PBX1: variants seen among roughly 807,000 people sequenced by gnomAD.
PBX1 encodes the protein pre-B-cell leukemia transcription factor 1.
A neutral mutation model predicts 53.4 loss-of-function variants in PBX1; 6 were observed. The observed-to-expected ratio is 0.11, with a 90% CI of 0.06 to 0.22. The LOEUF (loss-of-function observed/expected upper bound fraction) is 0.22. PBX1 is among the 10% of genes least tolerant of loss of function. PBX1 has a pLI of 1.00. For synonymous variants in PBX1, 204 were observed against 212.3 expected (o/e 0.96, Z 0.34); for missense variants, 251 against 551.4 (o/e 0.46, Z 5.46).
intron 2 of PBX1, among the ~76,000 whole-genome samples, chr1:164,857,150 C>T (rs2102438117): frequency 6.6e-6 from 1 of 152,308 alleles, no homozygotes; most frequent in Admixed American, 6.5e-5. Flanking sequence ...ACACCAGCAA[C>T]AAGTATTGTG....
rs147833517 is a variant in PBX1 at position 164,681,685 on chromosome 1, C to T, written c.266-110809C>T. 4.7e-4 allele frequency among the ~76,000 whole-genome samples: 71 copies of T among 152,194 alleles called. 2 individuals are homozygous for T. The highest frequency in any genetic ancestry group is 1.5e-3 in the South Asian group (7 of 4,820). ...CACTGGGGCCTACTTTAGAGTGGAG[C>T]GTGGAAGAGGAGTGAGGACTGAAAA... On this transcript the variant is annotated intron_variant, in intron 2 of 8. Coordinates refer to ENST00000420696, the MANE Select transcript of PBX1 (RefSeq NM_002585.4).
chr1:164,616,359 A>C (rs1305261808), intron 2 of PBX1, among the ~76,000 whole-genome samples: 1 of 151,908 alleles, frequency 6.6e-6, no homozygotes, highest in Non-Finnish European at 1.5e-5. Context: ...TCCTGTGACG[A>C]GGGGTGGGAA....
At position 164,592,296 on chromosome 1, in the gene PBX1, G is replaced by A. The variant is rs143777198; in HGVS notation, c.265+28985G>A. ...AGTATATGTCCTAGGAAAGGAAATA[G>A]AAACACTTAGCTTTGACGTGTAAAC... On this transcript the variant is annotated intron_variant, in intron 2 of 8. Coordinates refer to ENST00000420696, the MANE Select transcript of PBX1 (RefSeq NM_002585.4). Among the ~76,000 whole-genome samples, 361 of 152,336 alleles carry A rather than the reference G, an allele frequency of 2.4e-3. 1 individual carries two copies. Among genetic ancestry groups the A allele is most frequent in the African/African-American group, 8.4e-3 (351 of 41,580 alleles).
At chr1:164,714,352 T>C (rs187346456) in intron 2 of PBX1, among the ~76,000 whole-genome samples, 237 of 152,364 alleles carry the variant, frequency 1.6e-3, no homozygotes, top group Middle Eastern at 6.8e-3. Context: ...AGCCCCCGTT[T>C]GTCACATCAC....
chr1:164,583,182 C>G (rs1240139632), intron 2 of PBX1, among the ~76,000 whole-genome samples: 1 of 151,692 alleles, frequency 6.6e-6, no homozygotes, highest in South Asian at 2.1e-4. Context: ...TGTGAACATT[C>G]TTTTGTGAAA....
intron 2 of PBX1, among the ~76,000 whole-genome samples, chr1:164,626,780 C>T (rs1301619532): frequency 6.6e-6 from 1 of 152,112 alleles, no homozygotes; most frequent in Non-Finnish European, 1.5e-5. Flanking sequence ...TTCTCATCAA[C>T]GTTAATGACC....
chr1:164,644,564 G>T (rs12739441), intron 2 of PBX1, among the ~76,000 whole-genome samples: 4,120 of 146,698 alleles, frequency 0.028, 97 homozygotes, highest in Non-Finnish European at 0.038. Flanking sequence ...ATCAGCTTTT[G>T]TTTTTTTTTT....
Position 164,773,236 on chromosome 1 carries a change from A to AACACACAC in PBX1, c.266-19254_266-19253insACACACAC, listed in dbSNP as rs1193168258. 8.4e-3 allele frequency among the ~76,000 whole-genome samples: 402 copies of AACACACAC among 48,046 alleles called. 2 individuals carry two copies. The highest frequency in any genetic ancestry group is 0.035 in the African/African-American group (345 of 9,802). The allele number at this position is 48,046 out of a possible 152,430, so 31.5% of individuals were successfully genotyped here. A position where few individuals can be genotyped will look rare whatever the true frequency, so the allele number is the denominator to read the frequency against. ...TATTTTCCAGCTCTTGCATATAGGT[A>AACACACAC]ACACGCGCACACACACACACACACA... On this transcript the variant is annotated intron_variant, in intron 2 of 8. Transcript: ENST00000420696.
In PBX1 at chr1:164,849,357, C is replaced by T; in HGVS notation, c.*2681C>T. ...ATACCCAGCACCTCCCCCGGCACCC[C>T]CGGCAAGCCCACTATCACTTCCGAC... On this transcript the variant is annotated 3_prime_UTR_variant, in exon 9 of 9. Transcript: ENST00000420696. The T allele has an allele frequency of 6.5e-7, 1 of 1,535,730 alleles. No individual in the cohort carries two copies. Among genetic ancestry groups the T allele is most frequent in the Non-Finnish European group, 8.7e-7 (1 of 1,146,806 alleles).
At chr1:164,711,229 C>T (rs1415873788) in intron 2 of PBX1, among the ~76,000 whole-genome samples, 1 of 152,150 alleles carries the variant, frequency 6.6e-6, no homozygotes, top group Non-Finnish European at 1.5e-5. Context: ...CAGAAGCAGA[C>T]AGGTGACCCT....
intron 8 of PBX1, among the ~76,000 whole-genome samples, chr1:164,846,324 A>G (rs930470157): frequency 6.6e-6 from 1 of 152,190 alleles, no homozygotes; most frequent in African/African-American, 2.4e-5. Context: ...GGACTTAATT[A>G]CAGAGTCTTT....
chr1:164,781,437 A>G (rs1215674703), intron 2 of PBX1, among the ~76,000 whole-genome samples: 1 of 152,152 alleles, frequency 6.6e-6, no homozygotes, highest in African/African-American at 2.4e-5. Context: ...ACTACAAGAT[A>G]TAGATCAATA....
chr1:164,707,418 T>TGTGTGTGTGTGA (rs58617739), intron 2 of PBX1, among the ~76,000 whole-genome samples: 7 of 118,266 alleles, frequency 5.9e-5, no homozygotes, highest in East Asian at 2.2e-4. Flanking sequence ...TGTGTGTGTG[T>TGTGTGTGTGTGA]GAGAGAGAGA....
At chr1:164,818,431 A>G (rs1005517777) in intron 6 of PBX1, 1 of 152,228 alleles carries the variant, frequency 6.6e-6, no homozygotes, top group Non-Finnish European at 1.5e-5. Context: ...CAGATGAGAC[A>G]GGACAAGTCG....
Position 164,792,537 on chromosome 1 carries a change from C to G in PBX1, c.309C>G (p.Pro103=), listed in dbSNP as rs1668566875. 2 of 1,614,008 alleles carry G rather than the reference C, an allele frequency of 1.2e-6. No homozygotes were observed. Among genetic ancestry groups the G allele is most frequent in the African/African-American group, 1.3e-5 (1 of 74,916 alleles). Residue 103 remains proline, a synonymous_variant, in exon 3 of 9, where the codon CCC becomes CCG. Transcript: ENST00000420696. The stretch of plus-strand genomic sequence containing the variant: ...CCCAGGAGGAGGAACCCACAGACCC[C>G]CAGCTGATGCGGCTGGACAACATGC... ...RGAQEEEPTD[P]QLMRLDNMLL...
At chr1:164,620,182 A>T (rs1189636748) in intron 2 of PBX1, among the ~76,000 whole-genome samples, 2 of 152,148 alleles carry the variant, frequency 1.3e-5, no homozygotes, top group Non-Finnish European at 2.9e-5. Context: ...CTATCAAAAA[A>T]CCAGCAAAAC....
intron 8 of PBX1, among the ~76,000 whole-genome samples, chr1:164,825,363 C>T (rs916035154): frequency 3.3e-5 from 5 of 152,202 alleles, no homozygotes; most frequent in African/African-American, 1.2e-4. Context: ...GAAATTACCT[C>T]TGTGTCTTTC....
chr1:164,586,046 G>T (rs1654930998), intron 2 of PBX1, among the ~76,000 whole-genome samples: 1 of 152,172 alleles, frequency 6.6e-6, no homozygotes, highest in South Asian at 2.1e-4. Flanking sequence ...GGGGAACCTG[G>T]CAGTACAACT....
At chr1:164,747,022 A>G (rs1665930032) in intron 2 of PBX1, among the ~76,000 whole-genome samples, 1 of 152,174 alleles carries the variant, frequency 6.6e-6, no homozygotes, top group Non-Finnish European at 1.5e-5. Flanking sequence ...CTCTCCAGAA[A>G]TCTTTGAGGA....
Sources: allele counts gnomAD v4.1 joint callset (sites outside exome capture counted in the v4.1 genomes callset), GRCh38; gene constraint gnomAD v4.1.1; transcripts MANE v1.5; gene names NCBI Gene and HGNC (gene_info 2026-07-23, HGNC 2026-07-21).